Variants in CPEB3 observed in about 807,000 individuals in gnomAD.
CPEB3 encodes the protein cytoplasmic polyadenylation element-binding protein 3.
CPEB3 carries 20 observed loss-of-function variants against 67.2 expected under a neutral mutation model. The ratio of observed to expected loss-of-function variants is 0.30; its 90% CI spans 0.21 to 0.43. CPEB3 has a LOEUF of 0.43. Among genes scored for constraint, CPEB3 ranks in the 20% least tolerant of loss-of-function variants. CPEB3 has a pLI of 1.00. For synonymous variants in CPEB3, 376 were observed against 393.1 expected (o/e 0.96, Z 0.51); for missense variants, 746 against 968.6 (o/e 0.77, Z 3.05).
At chr10:92,280,343 CAAAAAAAAAA>C (rs60338900) in intron 1 of CPEB3, among the ~76,000 whole-genome samples, 3 of 37,808 alleles carry the variant, frequency 7.9e-5, no homozygotes, top group Admixed American at 8.2e-4. Flanking sequence ...AACTCCATCT[CAAAAAAAAAA>C]AAAAAAAAAA....
chr10:92,096,033 ATTTTTTT>A (rs11335065), intron 7 of CPEB3, among the ~76,000 whole-genome samples: 1 of 102,620 alleles, frequency 9.7e-6, no homozygotes. Context: ...CACCTGGCTG[ATTTTTTT>A]TTTTTTTTTT....
chr10:92,282,265 A>G (rs1842330913), intron 1 of CPEB3, among the ~76,000 whole-genome samples: 1 of 152,196 alleles, frequency 6.6e-6, no homozygotes, highest in African/African-American at 2.4e-5. Flanking sequence ...GTAAATATCT[A>G]CCCCATTACA....
intron 9 of CPEB3, among the ~76,000 whole-genome samples, chr10:92,057,678 C>T (rs1469325756): frequency 6.6e-6 from 1 of 152,250 alleles, no homozygotes; most frequent in Non-Finnish European, 1.5e-5. Flanking sequence ...AGGTCGGACA[C>T]AGCACAGTCA....
intron 1 of CPEB3, among the ~76,000 whole-genome samples, chr10:92,252,005 A>C (rs1373675534): frequency 6.6e-6 from 1 of 152,068 alleles, no homozygotes; most frequent in East Asian, 1.9e-4. Context: ...TATTCGAATA[A>C]AAACTCACAG....
At position 92,240,286 on chromosome 10, in the gene CPEB3, TGCC is replaced by T; in HGVS notation, c.62_64del (p.Arg21del). The T allele has an allele frequency of 6.6e-7, 1 of 1,516,330 alleles. No individual in the cohort carries two copies. Among genetic ancestry groups the T allele is most frequent in the Non-Finnish European group, 8.8e-7 (1 of 1,130,558 alleles). The allele number at this position is 1,516,330 out of a possible 1,614,324, so 93.9% of individuals were successfully genotyped here. On this transcript the variant is annotated inframe_deletion, in exon 2 of 10. Coordinates refer to ENST00000265997, the MANE Select transcript of CPEB3 (RefSeq NM_014912.5). The stretch of plus-strand genomic sequence containing the variant: ...GGACTCAGGTTGGGGCTGCTGCTGC[TGCC>T]GCTGCTGCTGCTGGGGCTGGGGCTG...
intron 2 of CPEB3, among the ~76,000 whole-genome samples, chr10:92,222,219 T>C (rs189099556): frequency 2.5e-4 from 38 of 151,572 alleles, no homozygotes; most frequent in Non-Finnish European, 4.6e-4. Flanking sequence ...TAATTTTTCA[T>C]AGAGATGGGA....
chr10:92,217,248 TACACAC>T (rs754423428), intron 2 of CPEB3, among the ~76,000 whole-genome samples: 13 of 127,278 alleles, frequency 1.0e-4, no homozygotes, highest in South Asian at 2.3e-4. Context: ...TATATATATA[TACACAC>T]ACACACACAC....
At chr10:92,056,168 T>C (rs1319714666) in intron 9 of CPEB3, among the ~76,000 whole-genome samples, 1 of 152,174 alleles carries the variant, frequency 6.6e-6, no homozygotes, top group African/African-American at 2.4e-5. Flanking sequence ...CCTGCACCTG[T>C]TCATGAGGTG....
At chr10:92,183,055 G>GA (rs984210576) in intron 3 of CPEB3, among the ~76,000 whole-genome samples, 1 of 151,734 alleles carries the variant, frequency 6.6e-6, no homozygotes, top group Non-Finnish European at 1.5e-5. Flanking sequence ...ACCTTATTAG[G>GA]AAAAAAATGT....
intron 4 of CPEB3, among the ~76,000 whole-genome samples, chr10:92,175,209 T>C (rs1748896536): frequency 6.6e-6 from 1 of 151,442 alleles, no homozygotes; most frequent in African/African-American, 2.4e-5. Context: ...TAGTTTACAT[T>C]TTCCAGAATT....
At chr10:92,127,663 A>G (rs369462340) in intron 6 of CPEB3, among the ~76,000 whole-genome samples, 10 of 152,228 alleles carry the variant, frequency 6.6e-5, no homozygotes, top group East Asian at 5.8e-4. Flanking sequence ...TGGGCAACAA[A>G]GCGAGACTCT....
chr10:92,069,445 G>A (rs1409118845), intron 9 of CPEB3, among the ~76,000 whole-genome samples: 5 of 152,032 alleles, frequency 3.3e-5, no homozygotes, highest in African/African-American at 9.7e-5. Context: ...ACTCTGTCAC[G>A]CAGGCTGGAG....
rs1441025776 is a variant in CPEB3, at chr10:92,081,330, A to G, written c.1859T>C (p.Ile620Thr). The change falls in exon 9 of 10, where the codon ATT becomes ACT. Residue 620 changes from isoleucine (I) to threonine (T), a missense_variant. By Grantham distance (89) the Ile-to-Thr change is moderately conservative. Coordinates refer to ENST00000265997, the MANE Select transcript of CPEB3 (RefSeq NM_014912.5). Reference protein sequence around the residue: ...ARFVQLQHNDIDKRVEVKPYV... With the variant: ...ARFVQLQHNDTDKRVEVKPYV... ...TAAGTAGGTGCTTACCCGTTTGTCA[A>G]TGTCATTGTGCTGAAGCTGCACAAA... 1.2e-6 allele frequency: 2 copies of G among 1,614,072 alleles called. No individual in the cohort carries two copies. The highest frequency in any genetic ancestry group is 1.7e-6 in the Non-Finnish European group (2 of 1,180,038).
In CPEB3 at chr10:92,167,986, A is replaced by G. The variant is rs981232697; in HGVS notation, c.1222+12977T>C. Among the ~76,000 whole-genome samples, 4 of 152,210 alleles carry G rather than the reference A, an allele frequency of 2.6e-5. 1 individual carries two copies. The highest frequency in any genetic ancestry group is 5.9e-5 in the Non-Finnish European group (4 of 68,036). On this transcript the variant is annotated intron_variant, in intron 4 of 9. Transcript: ENST00000265997. ...TCACCATAACAGATATAGTAATAAC[A>G]AAAAAGGTTAAAATATTGTGAGAAT... is the stretch of plus-strand genomic sequence containing the variant.
intron 4 of CPEB3, among the ~76,000 whole-genome samples, chr10:92,162,420 ACT>A (rs1206125702): frequency 1.3e-5 from 2 of 152,098 alleles, no homozygotes; most frequent in African/African-American, 4.8e-5. Context: ...TGATTTGTGT[ACT>A]GTTTGTATTT....
intron 1 of CPEB3, among the ~76,000 whole-genome samples, chr10:92,278,906 T>C (rs1842127699): frequency 6.6e-6 from 1 of 152,120 alleles, no homozygotes; most frequent in Non-Finnish European, 1.5e-5. Context: ...GCCTCATGTA[T>C]TGGTTCTAAC....
rs74149387 is a variant in CPEB3, at chr10:92,174,543, A to G, written c.1222+6420T>C. Among the ~76,000 whole-genome samples the G allele has an allele frequency of 5.4e-3, 822 of 152,312 alleles. 8 individuals carry two copies. The highest frequency in any genetic ancestry group is 0.019 in the African/African-American group (782 of 41,568). ...GAGGTGAGTGTCTTTTTTTGGCTTAAGATATCAAAATGTTTATATATCAAT... is the reference window on the plus strand; with the variant it reads ...GAGGTGAGTGTCTTTTTTTGGCTTAGGATATCAAAATGTTTATATATCAAT... On this transcript the variant is annotated intron_variant, in intron 4 of 9. Coordinates refer to ENST00000265997, the MANE Select transcript of CPEB3 (RefSeq NM_014912.5).
chr10:92,231,876 C>T (rs536297438), intron 2 of CPEB3, among the ~76,000 whole-genome samples: 3 of 152,018 alleles, frequency 2.0e-5, no homozygotes, highest in South Asian at 2.1e-4. Context: ...CCCGCCACCA[C>T]GCCCAGCAAA....
At chr10:92,186,287 G>A (rs1848686150) in intron 3 of CPEB3, among the ~76,000 whole-genome samples, 1 of 151,942 alleles carries the variant, frequency 6.6e-6, no homozygotes, top group East Asian at 1.9e-4. Context: ...CTACTCACGA[G>A]GCTGAGGTGG....
Sources: gnomAD v4.1 joint callset for allele counts (sites outside exome capture counted in the v4.1 genomes callset) on GRCh38, gnomAD v4.1.1 for gene constraint, MANE v1.5 for transcripts, NCBI Gene and HGNC (gene_info 2026-07-23, HGNC 2026-07-21) for gene names.